The following SEMA6A variants were observed in gnomAD, a reference collection of about 807,000 sequenced individuals.
SEMA6A encodes the protein semaphorin 6A, also known as semaphorin-6A.
A neutral mutation model predicts 96.8 loss-of-function variants in SEMA6A; 25 were observed. That is an observed-to-expected ratio of 0.26 (90% confidence interval 0.19 to 0.36). SEMA6A has a LOEUF of 0.36. Among genes scored for constraint, SEMA6A ranks in the 10% least tolerant of loss-of-function variants. The pLI is 1.00. For synonymous variants in SEMA6A, 612 were observed against 518.0 expected (o/e 1.18, Z -2.46); for missense variants, 1,363 against 1,323.1 (o/e 1.03, Z -0.47).
rs543959010 is a variant in SEMA6A, at chr5:116,500,993, G to A, written c.218+1217C>T. ...GCCACTGCACTCCAGCCTGGACGAT[G>A]GGAGTGAAACCCTGTCTCAAAAAAA... On this transcript the variant is annotated intron_variant, in intron 3 of 18. Transcript: ENST00000343348. Among the ~76,000 whole-genome samples, 5 of 152,132 alleles carry A rather than the reference G, an allele frequency of 3.3e-5. 1 individual carries two copies. In the South Asian group the frequency reaches 1.0e-3, roughly 32 times the overall value.
chr5:116,478,819 C>A, intron 12 of SEMA6A, 101 bp from the exon 13 acceptor site: 2 of 1,147,884 alleles, frequency 1.7e-6, no homozygotes, highest in South Asian at 1.6e-5. Flanking sequence ...CTAGTAATAA[C>A]CTCAAGAAAA....
chr5:116,470,283 G>A (rs2112659585), intron 17 of SEMA6A, among the ~76,000 whole-genome samples: 1 of 152,164 alleles, frequency 6.6e-6, no homozygotes, highest in South Asian at 2.1e-4. Context: ...TTCCCTAAGA[G>A]ACTTTGCAAC....
chr5:116,544,580 TG>T (rs1760108556), intron 1 of SEMA6A, among the ~76,000 whole-genome samples: 1 of 152,150 alleles, frequency 6.6e-6, no homozygotes, highest in Non-Finnish European at 1.5e-5. Context: ...ATTACAGGCA[TG>T]AGCCATTGTA....
chr5:116,448,650 T>A (rs1488875955), intron 18 of SEMA6A, among the ~76,000 whole-genome samples: 1 of 149,362 alleles, frequency 6.7e-6, no homozygotes. Flanking sequence ...GTTTGCCTTT[T>A]AAGCAACTAG....
chr5:116,512,333 C>A (rs1041287520), intron 1 of SEMA6A, among the ~76,000 whole-genome samples: 1 of 152,156 alleles, frequency 6.6e-6, no homozygotes, highest in African/African-American at 2.4e-5. Flanking sequence ...ATAGCTCCAG[C>A]CTCTTAATAA....
chr5:116,507,354 T>C (rs1287848462), intron 1 of SEMA6A, among the ~76,000 whole-genome samples: 3 of 152,218 alleles, frequency 2.0e-5, no homozygotes, highest in Non-Finnish European at 4.4e-5. Context: ...CTTGTAAATA[T>C]GTAGACAATA....
At chr5:116,476,024 A>G (rs1756432240) in intron 15 of SEMA6A, among the ~76,000 whole-genome samples, 1 of 152,136 alleles carries the variant, frequency 6.6e-6, no homozygotes, top group South Asian at 2.1e-4. Flanking sequence ...CTTCCTAGGC[A>G]AGGTTTTTTG....
intron 18 of SEMA6A, among the ~76,000 whole-genome samples, chr5:116,466,208 T>TA (rs11322633): frequency 1.0e-3 from 150 of 146,450 alleles, no homozygotes; most frequent in East Asian, 3.8e-3. Flanking sequence ...CTGTCACTAC[T>TA]AAAAAAAAAA....
intron 16 of SEMA6A, among the ~76,000 whole-genome samples, chr5:116,474,838 T>C (rs1756369112): frequency 6.6e-6 from 1 of 152,226 alleles, no homozygotes; most frequent in Non-Finnish European, 1.5e-5. Context: ...GAGTATGGTA[T>C]TATTCTTTAA....
intron 11 of SEMA6A, among the ~76,000 whole-genome samples, chr5:116,481,848 A>C (rs1756791753): frequency 6.6e-6 from 1 of 152,042 alleles, no homozygotes; most frequent in South Asian, 2.1e-4. Context: ...CCATGAAAAG[A>C]ATTCTAAGCC....
At chr5:116,509,727 G>A (rs1196824907) in intron 1 of SEMA6A, among the ~76,000 whole-genome samples, 1 of 152,118 alleles carries the variant, frequency 6.6e-6, no homozygotes, top group African/African-American at 2.4e-5. Context: ...AGGGGCGGCA[G>A]GGGGAATAAG....
chr5:116,526,941 C>T (rs1203980841), intron 1 of SEMA6A, among the ~76,000 whole-genome samples: 1 of 152,096 alleles, frequency 6.6e-6, no homozygotes, highest in African/African-American at 2.4e-5. Flanking sequence ...AGCTTAAGTG[C>T]ATATAATGCC....
In SEMA6A at chr5:116,446,784, G is replaced by A; in HGVS notation, c.2922C>T (p.Ser974=). ...CAGTCACGGCCTGGCCAGATGGCTG[G>A]GAGCTGTGCACCTGGATGGAGTCCA... ...QRVDSIQVHS[S]QPSGQAVTVS... is the part of the protein sequence containing the mutation. The change falls in exon 19 of 19, where the codon TCC becomes TCT. Residue 974 remains serine, a synonymous_variant. Coordinates refer to ENST00000343348, the MANE Select transcript of SEMA6A (RefSeq NM_020796.5). 1.2e-6 allele frequency: 2 copies of A among 1,612,380 alleles called. No individual in the cohort carries two copies. The highest frequency in any genetic ancestry group is 1.7e-6 in the Non-Finnish European group (2 of 1,179,214).
intron 18 of SEMA6A, among the ~76,000 whole-genome samples, chr5:116,462,328 A>G (rs1580382982): frequency 6.6e-6 from 1 of 152,322 alleles, no homozygotes; most frequent in East Asian, 1.9e-4. Flanking sequence ...AGAAGGGTCA[A>G]GGGTAAGCTA....
At chr5:116,488,076 C>T (rs747794638) in intron 9 of SEMA6A, 32 bp downstream of exon 9, 1 of 1,413,046 alleles carries the variant, frequency 7.1e-7, no homozygotes, top group Non-Finnish European at 9.9e-7. Context: ...GAAAATGTTA[C>T]AAACTGAGCC....
At chr5:116,521,083 T>A (rs983417154) in intron 1 of SEMA6A, among the ~76,000 whole-genome samples, 1 of 152,190 alleles carries the variant, frequency 6.6e-6, no homozygotes, top group Non-Finnish European at 1.5e-5. Flanking sequence ...AAAAAGCATT[T>A]GCAAGGAGAC....
intron 16 of SEMA6A, among the ~76,000 whole-genome samples, chr5:116,474,303 C>CACACACACAT (rs984748539): frequency 3.3e-5 from 5 of 151,716 alleles, no homozygotes; most frequent in African/African-American, 1.2e-4. Flanking sequence ...CACACACACA[C>CACACACACAT]ACACACATCT....
intron 1 of SEMA6A, among the ~76,000 whole-genome samples, chr5:116,510,555 C>T (rs1381220821): frequency 6.6e-6 from 1 of 151,984 alleles, no homozygotes; most frequent in Non-Finnish European, 1.5e-5. Flanking sequence ...CTCCATAGTC[C>T]TCAATAAATG....
At chr5:116,569,774 A>G (rs1385208165) in intron 1 of SEMA6A, among the ~76,000 whole-genome samples, 2 of 152,172 alleles carry the variant, frequency 1.3e-5, no homozygotes, top group African/African-American at 2.4e-5. Flanking sequence ...CAACTCAAAG[A>G]ATGGAGTTGC....
Sources: gnomAD v4.1 joint callset for allele counts (sites outside exome capture counted in the v4.1 genomes callset) on GRCh38, gnomAD v4.1.1 for gene constraint, MANE v1.5 for transcripts, NCBI Gene and HGNC (gene_info 2026-07-23, HGNC 2026-07-21) for gene names.